The following GLCE variants were observed in gnomAD, a reference collection of about 807,000 sequenced individuals.
GLCE encodes the protein D-glucuronyl C5-epimerase.
Under a neutral mutation model 47.9 loss-of-function variants are expected in GLCE, and 19 were observed. That is an observed-to-expected ratio of 0.40 (90% CI 0.28 to 0.58). GLCE has a LOEUF of 0.58. Among genes scored for constraint, GLCE ranks in the 20% least tolerant of loss-of-function variants. The pLI is 0.48. For missense variants in GLCE, 556 were observed against 743.3 expected (o/e 0.75, Z 2.93); for synonymous variants, 245 against 263.4 (o/e 0.93, Z 0.68).
intron 2 of GLCE, among the ~76,000 whole-genome samples, chr15:69,224,887 G>C (rs1024474525): frequency 6.6e-6 from 1 of 152,204 alleles, no homozygotes; most frequent in Non-Finnish European, 1.5e-5. Flanking sequence ...TCTAAGTTGG[G>C]AGACAGATTC....
intron 1 of GLCE, among the ~76,000 whole-genome samples, chr15:69,209,940 G>A (rs1311123449): frequency 6.6e-6 from 1 of 152,028 alleles, no homozygotes; most frequent in Admixed American, 6.6e-5. Flanking sequence ...GCTGTGATGG[G>A]TGGCTGGGCT....
At chr15:69,175,040 T>G (rs2051642520) in intron 1 of GLCE, among the ~76,000 whole-genome samples, 1 of 152,166 alleles carries the variant, frequency 6.6e-6, no homozygotes, top group Non-Finnish European at 1.5e-5. Flanking sequence ...TGAAAACTAC[T>G]TAATGAAATT....
chr15:69,263,339 C>T (rs145142372), intron 4 of GLCE, among the ~76,000 whole-genome samples: 1 of 151,896 alleles, frequency 6.6e-6, no homozygotes, highest in Admixed American at 6.6e-5. Context: ...CAGAGAATCA[C>T]CATTAAGAGG....
Position 69,271,766 on chromosome 15 carries a change from C to T in GLCE, c.*2522C>T, listed in dbSNP as rs1489048939. On this transcript the variant is annotated 3_prime_UTR_variant, in exon 5 of 5. Transcript: ENST00000261858. ...TTTCTGGATGAAGGTCAAGTTTGAC[C>T]TTTTAGGAGTTATTGTACATAAAGG... is the stretch of plus-strand genomic sequence containing the variant. The T allele has an allele frequency of 3.3e-5, 5 of 152,562 alleles. No homozygotes were observed. In the East Asian group the frequency reaches 9.7e-4, roughly 30 times the overall value. The allele number at this position is 152,562 out of a possible 1,614,324, so 9.5% of individuals were successfully genotyped here.
intron 1 of GLCE, among the ~76,000 whole-genome samples, chr15:69,203,922 A>G (rs928085750): frequency 6.6e-6 from 1 of 152,154 alleles, no homozygotes. Flanking sequence ...ATAGTTGGCT[A>G]AATATGATTT....
At chr15:69,202,701 G>A (rs1044191706) in intron 1 of GLCE, among the ~76,000 whole-genome samples, 12 of 152,074 alleles carry the variant, frequency 7.9e-5, no homozygotes, top group Non-Finnish European at 4.4e-5. Flanking sequence ...TTCAATCATA[G>A]AACTTTTTAT....
At chr15:69,166,380 A>G (rs2051501482) in intron 1 of GLCE, among the ~76,000 whole-genome samples, 1 of 152,228 alleles carries the variant, frequency 6.6e-6, no homozygotes, top group African/African-American at 2.4e-5. Context: ...AATTATTAAC[A>G]TATTTAATTC....
chr15:69,172,688 C>G (rs902911879), intron 1 of GLCE, among the ~76,000 whole-genome samples: 7 of 152,112 alleles, frequency 4.6e-5, no homozygotes, highest in Admixed American at 4.6e-4. Flanking sequence ...ATGGCCATAT[C>G]CAGAGCTTGA....
At position 69,166,943 on chromosome 15, in the gene GLCE, C is replaced by T. The variant is rs904367487; in HGVS notation, c.-105+6186C>T. Among the ~76,000 whole-genome samples the T allele has an allele frequency of 1.5e-4, 21 of 141,468 alleles. No homozygotes were observed. The East Asian group carries it at 1.9e-3, about 13-fold the overall frequency. The allele number at this position is 141,468 out of a possible 152,430, so 92.8% of individuals were successfully genotyped here. On this transcript the variant is annotated intron_variant, in intron 1 of 4. Coordinates refer to ENST00000261858, the MANE Select transcript of GLCE (RefSeq NM_015554.3). Reference sequence around the variant, plus strand: ...AAAAAAAAAAAAAAAAGGCCGGGTGCGATGGCTCACACTTGTGATCCCAGC... The same window carrying T: ...AAAAAAAAAAAAAAAAGGCCGGGTGTGATGGCTCACACTTGTGATCCCAGC...
rs2053151854 is a variant in GLCE at position 69,270,533 on chromosome 15, A to T, written c.*1289A>T. On this transcript the variant is annotated 3_prime_UTR_variant, in exon 5 of 5. Transcript: ENST00000261858. ...TTGATTTTGCTGTGACAGTACACTA[A>T]ATCAATACTATATCTTATACAGTTT... 6.6e-6 allele frequency: 1 copy of T among 152,188 alleles called. No individual in the cohort carries two copies. Among genetic ancestry groups the T allele is most frequent in the South Asian group, 2.1e-4 (1 of 4,822 alleles). 9.4% of individuals were successfully genotyped at this position (152,188 alleles called of 1,614,324 possible).
intron 4 of GLCE, chr15:69,266,773 A>T: frequency 1.1e-6 from 1 of 878,794 alleles, no homozygotes; most frequent in Non-Finnish European, 1.4e-6. Flanking sequence ...TCTTTTTCAC[A>T]GTCTGAACCT....
chr15:69,260,254 T>C (rs1050946393), intron 3 of GLCE, among the ~76,000 whole-genome samples: 575 of 44,870 alleles, frequency 0.013, 14 homozygotes, highest in African/African-American at 0.021. Context: ...CACAACTGGT[T>C]TTTTTTTTTT....
At chr15:69,206,817 T>G (rs1437240681) in intron 1 of GLCE, among the ~76,000 whole-genome samples, 1 of 152,090 alleles carries the variant, frequency 6.6e-6, no homozygotes, top group Non-Finnish European at 1.5e-5. Context: ...CTGGATATAC[T>G]TGTTGATGCA....
intron 1 of GLCE, among the ~76,000 whole-genome samples, chr15:69,170,089 A>G (rs1020908526): frequency 6.6e-5 from 10 of 152,196 alleles, no homozygotes; most frequent in African/African-American, 2.4e-4. Flanking sequence ...GACCTTAAAA[A>G]AATTAGACAT....
At chr15:69,195,610 C>T (rs993313566) in intron 1 of GLCE, among the ~76,000 whole-genome samples, 2 of 152,008 alleles carry the variant, frequency 1.3e-5, no homozygotes, top group Non-Finnish European at 2.9e-5. Flanking sequence ...CGTGTTGCTC[C>T]TTGTTGTCTA....
chr15:69,203,347 A>C (rs1472116617), intron 1 of GLCE, among the ~76,000 whole-genome samples: 1 of 152,102 alleles, frequency 6.6e-6, no homozygotes, highest in Admixed American at 6.6e-5. Context: ...TGCTACAGAG[A>C]GAAGAGACAG....
At chr15:69,232,865 A>G (rs1355119046) in intron 2 of GLCE, among the ~76,000 whole-genome samples, 1 of 152,214 alleles carries the variant, frequency 6.6e-6, no homozygotes, top group Non-Finnish European at 1.5e-5. Flanking sequence ...CCTGTAAGAC[A>G]TTTATCCTTG....
intron 1 of GLCE, among the ~76,000 whole-genome samples, chr15:69,173,689 A>T (rs555660083): frequency 6.6e-6 from 1 of 152,124 alleles, no homozygotes; most frequent in Non-Finnish European, 1.5e-5. Context: ...CAATTTAAAA[A>T]TTTTTAAAAA....
intron 1 of GLCE, among the ~76,000 whole-genome samples, chr15:69,201,812 A>G (rs541517890): frequency 1.3e-5 from 2 of 152,046 alleles, no homozygotes; most frequent in South Asian, 2.1e-4. Flanking sequence ...GAATTTTTAA[A>G]AAGTCCTTAA....
Sources: gnomAD v4.1 joint callset for allele counts (sites outside exome capture counted in the v4.1 genomes callset) on GRCh38, gnomAD v4.1.1 for gene constraint, MANE v1.5 for transcripts, NCBI Gene and HGNC (gene_info 2026-07-23, HGNC 2026-07-21) for gene names.